ZFHX3: variants seen among roughly 807,000 people sequenced by gnomAD.
ZFHX3 encodes the protein zinc finger homeobox protein 3.
ZFHX3 carries 42 observed loss-of-function variants against 279.1 expected under a neutral mutation model. The observed-to-expected ratio is 0.15, with a 90% CI of 0.12 to 0.19. The LOEUF is 0.19. Among genes scored for constraint, ZFHX3 ranks in the 10% least tolerant of loss-of-function variants. The pLI is 1.00. For missense variants in ZFHX3, 4,981 were observed against 4,754.0 expected (o/e 1.05, Z -1.40); for synonymous variants, 2,293 against 1,957.8 (o/e 1.17, Z -4.52).
At chr16:73,822,341 C>T (rs1960770564) in intron 1 of ZFHX3, among the ~76,000 whole-genome samples, 1 of 152,164 alleles carries the variant, frequency 6.6e-6, no homozygotes, top group Non-Finnish European at 1.5e-5. Flanking sequence ...TATTAGGTTC[C>T]TGCCAGCTAA....
At chr16:73,189,862 G>A (rs1042071420) in intron 5 of ZFHX3, among the ~76,000 whole-genome samples, 2 of 152,176 alleles carry the variant, frequency 1.3e-5, no homozygotes, top group Non-Finnish European at 2.9e-5. Flanking sequence ...AGGAGGCTGA[G>A]GCAGGAGGGT....
intron 5 of ZFHX3, among the ~76,000 whole-genome samples, chr16:73,185,141 T>C (rs567570288): frequency 6.6e-6 from 1 of 152,236 alleles, no homozygotes; most frequent in East Asian, 1.9e-4. Flanking sequence ...TTATAGGCAG[T>C]CAATATTTTA....
At chr16:72,968,304 C>T (rs757453224) in intron 1 of ZFHX3, among the ~76,000 whole-genome samples, 1 of 152,152 alleles carries the variant, frequency 6.6e-6, no homozygotes, top group Non-Finnish European at 1.5e-5. Flanking sequence ...GACTGAAGAA[C>T]TGTTTCAGAT....
At chr16:73,035,516 C>G (rs1194550456) in intron 1 of ZFHX3, among the ~76,000 whole-genome samples, 1 of 152,156 alleles carries the variant, frequency 6.6e-6, no homozygotes, top group Non-Finnish European at 1.5e-5. Context: ...ATCTTAGTAT[C>G]CAACAACTCA....
intron 2 of ZFHX3, among the ~76,000 whole-genome samples, chr16:73,491,720 A>T (rs1210784389): frequency 2.0e-5 from 3 of 152,180 alleles, no homozygotes; most frequent in African/African-American, 7.2e-5. Context: ...ACTAGGGACA[A>T]AATTGCACTT....
chr16:73,572,973 C>T (rs186764396), intron 2 of ZFHX3, among the ~76,000 whole-genome samples: 20 of 152,152 alleles, frequency 1.3e-4, no homozygotes, highest in Middle Eastern at 6.8e-3. Flanking sequence ...GCCACAAGAC[C>T]GCTCTACAAT....
intron 2 of ZFHX3, among the ~76,000 whole-genome samples, chr16:73,479,937 G>C (rs568644100): frequency 7.9e-4 from 121 of 152,272 alleles, no homozygotes; most frequent in African/African-American, 2.8e-3. Context: ...TGGAGGCATG[G>C]GGAGGTTAAA....
chr16:73,507,444 T>G (rs2019346064), intron 2 of ZFHX3, among the ~76,000 whole-genome samples: 1 of 150,508 alleles, frequency 6.6e-6, no homozygotes. Flanking sequence ...GAAAGTGTAC[T>G]GGAGTCTGTA....
intron 2 of ZFHX3, among the ~76,000 whole-genome samples, chr16:73,591,692 CA>C (rs57402211): frequency 0.021 from 703 of 33,384 alleles, 1 homozygote; most frequent in African/African-American, 0.055. Context: ...GACTCTGTCT[CA>C]AAAAAAAAAA....
At chr16:73,013,697 A>G (rs1963997552) in intron 1 of ZFHX3, among the ~76,000 whole-genome samples, 1 of 152,126 alleles carries the variant, frequency 6.6e-6, no homozygotes, top group South Asian at 2.1e-4. Flanking sequence ...GGGAGGGGAG[A>G]GGCCACCAAA....
chr16:73,690,758 T>C (rs1318293905), intron 1 of ZFHX3, among the ~76,000 whole-genome samples: 1 of 152,236 alleles, frequency 6.6e-6, no homozygotes, highest in African/African-American at 2.4e-5. Context: ...CCCTGCTAAA[T>C]ACTGGAAGAC....
chr16:73,097,434 A>G (rs184969555), intron 7 of ZFHX3, among the ~76,000 whole-genome samples: 10 of 152,168 alleles, frequency 6.6e-5, no homozygotes, highest in Admixed American at 5.2e-4. Context: ...TGTCTTTTCT[A>G]ACTTGTTTAT....
chr16:72,830,170 T>C (rs1473954690), intron 4 of ZFHX3, among the ~76,000 whole-genome samples: 1 of 152,226 alleles, frequency 6.6e-6, no homozygotes, highest in African/African-American at 2.4e-5. Flanking sequence ...CAATCCTGGT[T>C]GAAGCAGTAA....
chr16:73,116,759 A>G (rs1436009200), intron 7 of ZFHX3, among the ~76,000 whole-genome samples: 2 of 152,268 alleles, frequency 1.3e-5, no homozygotes, highest in East Asian at 1.9e-4. Context: ...TAAATGACCA[A>G]AAGTCCTAAC....
chr16:73,439,343 G>C (rs1259029337), intron 3 of ZFHX3, among the ~76,000 whole-genome samples: 1 of 152,094 alleles, frequency 6.6e-6, no homozygotes, highest in Non-Finnish European at 1.5e-5. Context: ...TGCCAGCTTT[G>C]TTCATCTGAT....
chr16:73,740,643 A>C (rs1267843664), intron 1 of ZFHX3, among the ~76,000 whole-genome samples: 1 of 152,220 alleles, frequency 6.6e-6, no homozygotes, highest in African/African-American at 2.4e-5. Context: ...TACAAATACA[A>C]AATACTTTGA....
At chr16:73,333,114 ATAGT>A (rs1359447434) in intron 3 of ZFHX3, among the ~76,000 whole-genome samples, 3 of 152,234 alleles carry the variant, frequency 2.0e-5, no homozygotes, top group Admixed American at 2.0e-4. Flanking sequence ...AAATACATAA[ATAGT>A]TACATAGATA....
chr16:73,449,176 A>G (rs1371945325), intron 3 of ZFHX3, among the ~76,000 whole-genome samples: 1 of 152,238 alleles, frequency 6.6e-6, no homozygotes, highest in Non-Finnish European at 1.5e-5. Context: ...ACACATTTTG[A>G]GGGAAAGAAA....
rs370140249 is a variant in ZFHX3, at chr16:73,708,089, A to G, written c.-1607-27849T>C. ...ATAATTTGGGTGTGGTGGGGGGGGGAAGTATTTACAATTATTGGAAGAATT... is the reference window on the plus strand; with the variant it reads ...ATAATTTGGGTGTGGTGGGGGGGGGGAGTATTTACAATTATTGGAAGAATT... On this transcript the variant is annotated intron_variant, in intron 1 of 17. Transcript: ENST00000641206. 5.7e-3 allele frequency among the ~76,000 whole-genome samples: 775 copies of G among 134,784 alleles called. 10 individuals carry two copies. Among genetic ancestry groups the G allele is most frequent in the African/African-American group, 0.019 (716 of 37,426 alleles). 88.4% of individuals were successfully genotyped at this position (134,784 alleles called of 152,430 possible).
Sources: allele counts gnomAD v4.1 joint callset (sites outside exome capture counted in the v4.1 genomes callset), GRCh38; gene constraint gnomAD v4.1.1; transcripts MANE v1.5; gene names NCBI Gene and HGNC (gene_info 2026-07-23, HGNC 2026-07-21).